The following SMARCA2 variants were observed in gnomAD, a reference collection of about 807,000 sequenced individuals.
SMARCA2 encodes the protein SWI/SNF-related matrix-associated actin-dependent regulator of chromatin subfamily A member 2.
A neutral mutation model predicts 199.8 loss-of-function variants in SMARCA2; 61 were observed. That is an observed-to-expected ratio of 0.31 (90% confidence interval 0.25 to 0.38). The LOEUF (loss-of-function observed/expected upper bound fraction) is 0.38. Ranked by LOEUF, SMARCA2 falls within the 10% of genes least tolerant of loss-of-function variation. SMARCA2 has a pLI of 1.00. For synonymous variants in SMARCA2, 935 were observed against 732.0 expected (o/e 1.28, Z -4.48); for missense variants, 1,344 against 2,012.2 (o/e 0.67, Z 6.35).
intron 9 of SMARCA2, among the ~76,000 whole-genome samples, chr9:2,070,074 A>G (rs1166693007): frequency 6.6e-6 from 1 of 152,162 alleles, no homozygotes; most frequent in Non-Finnish European, 1.5e-5. Context: ...TTATGTCAGG[A>G]TATATCTTCC....
intron 27 of SMARCA2, among the ~76,000 whole-genome samples, chr9:2,134,253 C>G (rs1005818341): frequency 1.3e-5 from 2 of 152,130 alleles, no homozygotes; most frequent in Non-Finnish European, 2.9e-5. Flanking sequence ...TAAAAGAGAA[C>G]AATATGTTTA....
chr9:2,138,326 G>C lies in SMARCA2; in HGVS notation c.3981+14389G>C, dbSNP rs1824306686. 3.3e-5 allele frequency among the ~76,000 whole-genome samples: 5 copies of C among 151,586 alleles called. 1 individual carries two copies. The highest frequency in any genetic ancestry group is 3.3e-4 in the Admixed American group (5 of 15,264). On this transcript the variant is annotated intron_variant, in intron 27 of 33. Transcript: ENST00000349721. ...CTTCCCTTCTTTTATGTTAAAGAAT[G>C]AATTGTCAGAATCATGGAAAATTGT...
chr9:2,064,984 A>G (rs1021130206), intron 9 of SMARCA2, among the ~76,000 whole-genome samples: 1 of 152,218 alleles, frequency 6.6e-6, no homozygotes, highest in East Asian at 1.9e-4. Context: ...GGAGATCGAG[A>G]CCATCCTGGC....
chr9:2,138,076 C>T (rs888338858), intron 27 of SMARCA2, among the ~76,000 whole-genome samples: 1 of 152,082 alleles, frequency 6.6e-6, no homozygotes, highest in Non-Finnish European at 1.5e-5. Flanking sequence ...TTAAAAAGTA[C>T]AAGCATTGCT....
chr9:2,145,901 T>C (rs369277292), intron 27 of SMARCA2, among the ~76,000 whole-genome samples: 2 of 152,186 alleles, frequency 1.3e-5, no homozygotes, highest in African/African-American at 4.8e-5. Flanking sequence ...TGAACATGTA[T>C]GCAATGTGCA....
chr9:2,073,390 T>G, intron 11 of SMARCA2, 48 bp downstream of exon 11: 1 of 1,609,006 alleles, frequency 6.2e-7, no homozygotes, highest in African/African-American at 1.3e-5. Flanking sequence ...CTTTTTAGAT[T>G]TTGGTAATCT....
At chr9:2,109,161 GGTAT>G (rs1381245279) in intron 23 of SMARCA2, among the ~76,000 whole-genome samples, 1 of 152,080 alleles carries the variant, frequency 6.6e-6, no homozygotes, top group African/African-American at 2.4e-5. Flanking sequence ...ATAAATTGCT[GGTAT>G]GTTTTCATCC....
At position 2,039,853 on chromosome 9, in the gene SMARCA2, C is replaced by G; in HGVS notation, c.743C>G (p.Thr248Arg). ...CAGCAGCAGCCGCCGCAACCACAGACGCAGCAACAACAGCAGCCGGCCCTT... is the reference window on the plus strand; with the variant it reads ...CAGCAGCAGCCGCCGCAACCACAGAGGCAGCAACAACAGCAGCCGGCCCTT... ...QPQQQPPQPQTQQQQQPALVN... is the reference protein window; with the variant it reads ...QPQQQPPQPQRQQQQQPALVN... The change falls in exon 4 of 34, where the codon ACG becomes AGG. Residue 248 changes from threonine to arginine, a missense_variant. Thr to Arg is a moderately conservative substitution (Grantham distance 71, BLOSUM62 -1). Around this residue, in one of 18 missense-constraint regions of SMARCA2, gnomAD observed 117 missense variants for 99.1 expected, o/e 1.18. Transcript: ENST00000349721. The surrounding 1 kb of genome is among the most constrained non-coding windows in gnomAD (Gnocchi z 4.8). The G allele has an allele frequency of 1.2e-6, 2 of 1,613,336 alleles. No individual in the cohort carries two copies. The highest frequency in any genetic ancestry group is 1.7e-6 in the Non-Finnish European group (2 of 1,179,674).
chr9:2,107,417 A>C (rs574020845), intron 23 of SMARCA2, among the ~76,000 whole-genome samples: 1 of 152,300 alleles, frequency 6.6e-6, no homozygotes, highest in East Asian at 1.9e-4. Flanking sequence ...TCCTGGGTTC[A>C]AGCAATTCTT....
Position 2,082,003 on chromosome 9 carries a change from A to C in SMARCA2, c.2348+8A>C, listed in dbSNP as rs771019219. The C allele has an allele frequency of 2.4e-5, 39 of 1,611,078 alleles. No individual in the cohort carries two copies. The African/African-American group carries it at 5.2e-4, about 22-fold the overall frequency. On this transcript the variant is annotated splice_region_variant and intron_variant, in intron 15 of 33. Coordinates refer to ENST00000349721, the MANE Select transcript of SMARCA2 (RefSeq NM_003070.5). Reference sequence around the variant, plus strand: ...CATCATTGTTCCCCTTTCGTAAGTAAAGTCATTTATTCCACAGTCATCGTT... The same window carrying C: ...CATCATTGTTCCCCTTTCGTAAGTACAGTCATTTATTCCACAGTCATCGTT...
chr9:2,154,255 T>C (rs3793502), intron 27 of SMARCA2, among the ~76,000 whole-genome samples: 4,627 of 152,280 alleles, frequency 0.03, 84 homozygotes, highest in Middle Eastern at 0.044. Context: ...TTAGCCAATG[T>C]TGCTGCTGCT....
intron 13 of SMARCA2, among the ~76,000 whole-genome samples, chr9:2,077,368 G>A (rs1217375380): frequency 6.6e-6 from 1 of 152,150 alleles, no homozygotes; most frequent in Non-Finnish European, 1.5e-5. Context: ...TACCTTTTAT[G>A]TGATCCAAAC....
intron 23 of SMARCA2, among the ~76,000 whole-genome samples, chr9:2,109,088 C>T (rs1361488384): frequency 6.6e-6 from 1 of 152,190 alleles, no homozygotes; most frequent in African/African-American, 2.4e-5. Flanking sequence ...TGTTTGAGAA[C>T]TTGGCCCTCA....
rs771891440 is a variant in SMARCA2 at position 2,056,728 on chromosome 9, C to G, written c.1230C>G (p.Leu410=). The change falls in exon 7 of 34, where the codon CTC becomes CTG. Residue 410 remains leucine (L), a synonymous_variant. Coordinates refer to ENST00000349721, the MANE Select transcript of SMARCA2 (RefSeq NM_003070.5). The surrounding 1 kb of genome is among the most constrained non-coding windows in gnomAD (Gnocchi z 4.0). ...GGGACACGACCCTGGAGACGGCTCT[C>G]AACTCCAAAGCATACAAACGGAGCA... is the stretch of plus-strand genomic sequence containing the variant. ...MRRDTTLETA[L]NSKAYKRSKR... 4 of 1,614,076 alleles carry G rather than the reference C, an allele frequency of 2.5e-6. No homozygotes were observed. The highest frequency in any genetic ancestry group is 1.3e-5 in the African/African-American group (1 of 74,942).
chr9:2,149,217 T>A (rs553886560), intron 27 of SMARCA2, among the ~76,000 whole-genome samples: 7 of 150,918 alleles, frequency 4.6e-5, no homozygotes, highest in Non-Finnish European at 7.4e-5. Flanking sequence ...ATGAGAGAGA[T>A]GCAAAAGTGG....
chr9:2,150,373 G>A (rs1044227448), intron 27 of SMARCA2, among the ~76,000 whole-genome samples: 1 of 151,616 alleles, frequency 6.6e-6, no homozygotes, highest in Non-Finnish European at 1.5e-5. Context: ...CCTCATGCCA[G>A]GCCCCACACA....
rs546875444 is a variant in SMARCA2 at position 2,028,795 on chromosome 9, T to C, written c.-36-192T>C. Reference sequence around the variant, plus strand: ...AATCATTTAGTGTGTGTGTTTTTTTTAAACAAGTGGTCTTCATAAAGACTA... The same window carrying C: ...AATCATTTAGTGTGTGTGTTTTTTTCAAACAAGTGGTCTTCATAAAGACTA... On this transcript the variant is annotated intron_variant, in intron 1 of 33. Coordinates refer to ENST00000349721, the MANE Select transcript of SMARCA2 (RefSeq NM_003070.5). Among the ~76,000 whole-genome samples the C allele has an allele frequency of 2.6e-5, 4 of 152,308 alleles. No homozygotes were observed. In the East Asian group the frequency reaches 5.8e-4, roughly 22 times the overall value.
At chr9:2,058,847 A>G (rs1820466223) in intron 8 of SMARCA2, among the ~76,000 whole-genome samples, 1 of 152,226 alleles carries the variant, frequency 6.6e-6, no homozygotes. Flanking sequence ...TTTGGAATGA[A>G]TAACACATTA....
At chr9:2,089,077 G>A (rs1821934182) in intron 19 of SMARCA2, among the ~76,000 whole-genome samples, 1 of 151,920 alleles carries the variant, frequency 6.6e-6, no homozygotes, top group South Asian at 2.1e-4. Context: ...GACAGTAAGT[G>A]AAAAAACAGA....
Sources: gnomAD v4.1 joint callset for allele counts (sites outside exome capture counted in the v4.1 genomes callset) on GRCh38, gnomAD v4.1.1 for gene constraint, gnomAD v4.1.1 regional missense constraint, Gnocchi (gnomAD v3.1) non-coding constraint, MANE v1.5 for transcripts, NCBI Gene and HGNC (gene_info 2026-07-23, HGNC 2026-07-21) for gene names.